The following PLD5 variants were observed in gnomAD, a reference collection of about 807,000 sequenced individuals.
PLD5 encodes the protein phospholipase D family member 5, also known as inactive phospholipase D5.
Under a neutral mutation model 61.1 loss-of-function variants are expected in PLD5, and 36 were observed. The ratio of observed to expected loss-of-function variants is 0.59; its 90% confidence interval spans 0.45 to 0.78. The LOEUF is 0.78. Among genes scored for constraint, PLD5 ranks in the 30% least tolerant of loss-of-function variants. PLD5 has a pLI of 0.00. For synonymous variants in PLD5, 243 were observed against 242.8 expected (o/e 1.00, Z -0.01); for missense variants, 515 against 644.4 (o/e 0.80, Z 2.17).
intron 1 of PLD5, among the ~76,000 whole-genome samples, chr1:242,362,991 T>G (rs966320763): frequency 1.4e-4 from 21 of 152,096 alleles, no homozygotes; most frequent in Non-Finnish European, 2.5e-4. Flanking sequence ...ATCCCTAAGT[T>G]GAGGAGAAAG....
intron 1 of PLD5, among the ~76,000 whole-genome samples, chr1:242,363,312 G>A (rs2149238762): frequency 6.6e-6 from 1 of 151,356 alleles, no homozygotes; most frequent in South Asian, 2.1e-4. Flanking sequence ...AAAACAATTA[G>A]CCCTAGACTC....
chr1:242,194,618 G>GTATCATC (rs1668505442), intron 5 of PLD5, among the ~76,000 whole-genome samples: 1 of 102,946 alleles, frequency 9.7e-6, no homozygotes, highest in Non-Finnish European at 2.0e-5. Context: ...ATCTATCTAT[G>GTATCATC]TATCTATCTA....
upstream of PLD5, among the ~76,000 whole-genome samples, chr1:242,524,949 C>A (rs1669404924): frequency 6.6e-6 from 1 of 152,004 alleles, no homozygotes; most frequent in Non-Finnish European, 1.5e-5. Context: ...GCGCCGTCTC[C>A]GCGCCTCCTC....
rs1319051704 is a variant in PLD5, at chr1:242,226,003, C to T, written c.608-5888G>A. ...CAGTTTGCATTCCCACCAGCAATATCTGTTAGTCTAAGTCATTCTGTATCC... is the reference window on the plus strand; with the variant it reads ...CAGTTTGCATTCCCACCAGCAATATTTGTTAGTCTAAGTCATTCTGTATCC... On this transcript the variant is annotated intron_variant, in intron 4 of 9. Coordinates refer to ENST00000536534, the MANE Select transcript of PLD5 (RefSeq NM_001372062.1). Among the ~76,000 whole-genome samples, 15 of 152,318 alleles carry T rather than the reference C, an allele frequency of 9.8e-5. 1 individual carries two copies. The highest frequency in any genetic ancestry group is 4.4e-5 in the Non-Finnish European group (3 of 68,026).
intron 1 of PLD5, among the ~76,000 whole-genome samples, chr1:242,426,359 T>G (rs1665426548): frequency 7.6e-6 from 1 of 132,192 alleles, no homozygotes; most frequent in Non-Finnish European, 1.7e-5. Context: ...CACCCGAACA[T>G]AGCAATAAAA....
chr1:242,293,677 T>A (rs571362626), intron 2 of PLD5, among the ~76,000 whole-genome samples: 1 of 152,324 alleles, frequency 6.6e-6, no homozygotes, highest in East Asian at 1.9e-4. Flanking sequence ...CAATATAAAC[T>A]ATGAATTTAT....
At chr1:242,102,415 C>T (rs192510307) in intron 8 of PLD5, among the ~76,000 whole-genome samples, 34 of 152,222 alleles carry the variant, frequency 2.2e-4, no homozygotes, top group African/African-American at 7.7e-4. Context: ...TGGTATTATT[C>T]GACACCTAAT....
chr1:242,101,447 C>T (rs1660679744), intron 8 of PLD5, among the ~76,000 whole-genome samples: 1 of 152,140 alleles, frequency 6.6e-6, no homozygotes, highest in Non-Finnish European at 1.5e-5. Flanking sequence ...ATGGCCAGGC[C>T]ATGCCTTAGG....
intron 5 of PLD5, among the ~76,000 whole-genome samples, chr1:242,205,150 G>A (rs1558340500): frequency 6.6e-6 from 1 of 152,158 alleles, no homozygotes; most frequent in Non-Finnish European, 1.5e-5. Flanking sequence ...CAGGAAGCAG[G>A]GGTTGGAGGG....
intron 4 of PLD5, among the ~76,000 whole-genome samples, chr1:242,261,156 T>C (rs1252632329): frequency 2.0e-5 from 3 of 152,212 alleles, no homozygotes; most frequent in Admixed American, 2.0e-4. Context: ...GTAAACAGTA[T>C]GGCATTGGTC....
At chr1:242,299,094 T>C (rs1302950735) in intron 2 of PLD5, among the ~76,000 whole-genome samples, 1 of 135,052 alleles carries the variant, frequency 7.4e-6, no homozygotes. Flanking sequence ...AATGTAATTA[T>C]ATTATTACCT....
chr1:242,408,942 C>G (rs1275455402), intron 1 of PLD5, among the ~76,000 whole-genome samples: 1 of 152,052 alleles, frequency 6.6e-6, no homozygotes, highest in Non-Finnish European at 1.5e-5. Context: ...TGGCAGGTGC[C>G]TGTAATCCCA....
intron 5 of PLD5, among the ~76,000 whole-genome samples, chr1:242,166,808 G>A (rs1666336165): frequency 6.6e-6 from 1 of 152,004 alleles, no homozygotes; most frequent in Non-Finnish European, 1.5e-5. Flanking sequence ...TTTCAGGAAG[G>A]AAGTTAACTT....
chr1:242,126,774 C>G (rs1367985627), intron 5 of PLD5, among the ~76,000 whole-genome samples: 1 of 152,064 alleles, frequency 6.6e-6, no homozygotes, highest in Non-Finnish European at 1.5e-5. Context: ...AACAAGTACC[C>G]AAAAGCAAAT....
chr1:242,426,511 T>C (rs1274320407), intron 1 of PLD5, among the ~76,000 whole-genome samples: 2 of 152,184 alleles, frequency 1.3e-5, no homozygotes, highest in Admixed American at 1.3e-4. Context: ...CACAAACACA[T>C]GAGTAATGCA....
intron 1 of PLD5, among the ~76,000 whole-genome samples, chr1:242,432,500 G>A (rs1291865848): frequency 6.6e-6 from 1 of 152,206 alleles, no homozygotes; most frequent in Non-Finnish European, 1.5e-5. Flanking sequence ...CTCATAAATG[G>A]AAGGTGTGTC....
chr1:242,420,422 G>A lies in PLD5; in HGVS notation c.190-72180C>T, dbSNP rs115970802. On this transcript the variant is annotated intron_variant, in intron 1 of 9. Coordinates refer to ENST00000536534, the MANE Select transcript of PLD5 (RefSeq NM_001372062.1). ...CTCTACTACCAGGGTCAACAACTCC[G>A]TTACACAGTTTCCTACTCCTATGTT... Among the ~76,000 whole-genome samples, 335 of 152,072 alleles carry A rather than the reference G, an allele frequency of 2.2e-3. 5 individuals are homozygous for A. Among genetic ancestry groups the A allele is most frequent in the African/African-American group, 7.2e-3 (298 of 41,478 alleles).
intron 3 of PLD5, among the ~76,000 whole-genome samples, chr1:242,269,349 G>A (rs1314367915): frequency 6.6e-6 from 1 of 151,940 alleles, no homozygotes; most frequent in Non-Finnish European, 1.5e-5. Flanking sequence ...ATGATGTACA[G>A]TAGAGTCGTA....
At chr1:242,099,896 TGATA>T (rs1299264061) in intron 9 of PLD5, among the ~76,000 whole-genome samples, 1 of 152,232 alleles carries the variant, frequency 6.6e-6, no homozygotes, top group African/African-American at 2.4e-5. Context: ...ATGTACCTTC[TGATA>T]GATCGTTTTA....
Sources: allele counts gnomAD v4.1 joint callset (sites outside exome capture counted in the v4.1 genomes callset), GRCh38; gene constraint gnomAD v4.1.1; transcripts MANE v1.5; gene names NCBI Gene and HGNC (gene_info 2026-07-23, HGNC 2026-07-21).